Variants in CFAP119 observed in about 807,000 individuals in gnomAD.
CFAP119 encodes cilia and flagella associated protein 119, also known as cilia- and flagella-associated protein 119.
the CFAP119 span, chr16:30,757,607 CTT>C: frequency 1.2e-6 from 2 of 1,614,182 alleles, no homozygotes; most frequent in African/African-American, 1.3e-5. Flanking sequence ...TGCTCCAGCT[CTT>C]TGTTCACTTG....
chr16:30,758,457 GTTTGC>G, the CFAP119 span: 2 of 164,300 alleles, frequency 1.2e-5, no homozygotes, highest in African/African-American at 4.8e-5. Context: ...GGCCATGGTG[GTTTGC>G]TTTACCCATC....
chr16:30,759,059 G>A, the CFAP119 span: 252 of 1,614,152 alleles, frequency 1.6e-4, 4 homozygotes, highest in South Asian at 2.4e-3. Context: ...CTCTTTCTGC[G>A]GGGTAACTGC....
the CFAP119 span, chr16:30,759,803 C>T: frequency 1.3e-6 from 2 of 1,525,622 alleles, no homozygotes; most frequent in Non-Finnish European, 1.8e-6. Flanking sequence ...CTGTTTATGA[C>T]CATGAGCTTC....
chr16:30,760,293 C>G, the CFAP119 span: 2 of 1,614,210 alleles, frequency 1.2e-6, no homozygotes, highest in Non-Finnish European at 1.7e-6. Context: ...CCAATACAAG[C>G]CTTGTGAAGA....
chr16:30,759,981 C>T, the CFAP119 span: 4 of 1,455,668 alleles, frequency 2.7e-6, no homozygotes, highest in Admixed American at 2.6e-5. Flanking sequence ...AGAAATAGAT[C>T]ATTTCAGCTA....
At chr16:30,761,269 TC>T in the CFAP119 span, 1 of 1,613,084 alleles carries the variant, frequency 6.2e-7, no homozygotes, top group Non-Finnish European at 8.5e-7. Context: ...AGCTGCGGTG[TC>T]CTGGCCCGTA....
the CFAP119 span, chr16:30,760,905 C>T: frequency 1.6e-6 from 1 of 615,332 alleles, no homozygotes. Flanking sequence ...CTGCCACTAC[C>T]TTGTATGACC....
chr16:30,760,034 G>T, the CFAP119 span: 41 of 1,502,590 alleles, frequency 2.7e-5, 1 homozygote, highest in South Asian at 3.3e-4. Context: ...TCTAAAGCAG[G>T]TGTTATTGTG....
At chr16:30,761,764 TGCCGCGAGGC>T in the CFAP119 span, 1 of 1,510,728 alleles carries the variant, frequency 6.6e-7, no homozygotes, top group Non-Finnish European at 8.9e-7. Context: ...CGCTCTTCCG[TGCCGCGAGGC>T]GCCCCGGGCT....
At chr16:30,761,591 G>A in the CFAP119 span, 3 of 1,536,178 alleles carry the variant, frequency 2.0e-6, no homozygotes, top group Admixed American at 3.9e-5. Flanking sequence ...CGCCGCCGCC[G>A]CCGTCGTCCA....
At chr16:30,757,848 T>C in the CFAP119 span, 8 of 1,393,714 alleles carry the variant, frequency 5.7e-6, no homozygotes, top group Non-Finnish European at 6.5e-6. Flanking sequence ...TGCTGGACTT[T>C]GCAGCTTCAA....
the CFAP119 span, chr16:30,758,880 T>C: frequency 6.9e-7 from 1 of 1,450,334 alleles, no homozygotes; most frequent in Non-Finnish European, 9.2e-7. Flanking sequence ...CATCTTGGAC[T>C]TCTGCATAAG....
At chr16:30,760,917 T>A in the CFAP119 span, 2 of 613,484 alleles carry the variant, frequency 3.3e-6, no homozygotes, top group Non-Finnish European at 5.8e-6. Context: ...TGTATGACCT[T>A]GGTCAAGTAC....
At chr16:30,760,801 T>C in the CFAP119 span, 8,228 of 775,158 alleles carry the variant, frequency 0.011, 62 homozygotes, top group Non-Finnish European at 0.015. Flanking sequence ...TGTGTGACTA[T>C]GCAAATCGTT....
chr16:30,758,437 G>C, the CFAP119 span: 4 of 159,004 alleles, frequency 2.5e-5, no homozygotes, highest in East Asian at 3.8e-4. Context: ...TTGCTACGTA[G>C]GTATACATGG....
At chr16:30,759,036 C>G in the CFAP119 span, 4 of 1,614,240 alleles carry the variant, frequency 2.5e-6, no homozygotes, top group South Asian at 4.4e-5. Context: ...GGTGGGGCCA[C>G]TGTCTCTAGT....
the CFAP119 span, chr16:30,757,682 G>T: frequency 6.3e-7 from 1 of 1,589,788 alleles, no homozygotes; most frequent in East Asian, 2.2e-5. Flanking sequence ...AAGGGGCAGG[G>T]TGAGGAGAGA....
chr16:30,761,461 G>A, the CFAP119 span: 7 of 1,513,204 alleles, frequency 4.6e-6, no homozygotes, highest in Non-Finnish European at 6.2e-6. Flanking sequence ...CGTCCCGAAC[G>A]TTAGTAAGCA....
At chr16:30,760,669 C>G in the CFAP119 span, 2 of 1,532,320 alleles carry the variant, frequency 1.3e-6, no homozygotes, top group Non-Finnish European at 1.7e-6. Flanking sequence ...CAGGTACTTC[C>G]TGTTATAGTA....
Sources: allele counts gnomAD v4.1 joint callset, GRCh38; gene constraint gnomAD v4.1.1; transcripts MANE v1.5; gene names NCBI Gene and HGNC (gene_info 2026-07-23, HGNC 2026-07-21).